The following CCSER1 variants were observed in gnomAD, a reference collection of about 807,000 sequenced individuals.
CCSER1 encodes serine-rich coiled-coil domain-containing protein 1.
A neutral mutation model predicts 82.0 loss-of-function variants in CCSER1; 41 were observed. The observed-to-expected ratio is 0.50, with a 90% CI of 0.39 to 0.65. The LOEUF is 0.65. CCSER1 is among the 30% of genes least tolerant of loss of function. The pLI is 0.00. For missense variants in CCSER1, 1,119 were observed against 1,064.2 expected, an observed-to-expected ratio of 1.05 and a Z score of -0.72; for synonymous variants, 414 against 383.9, an observed-to-expected ratio of 1.08 and a Z score of -0.92.
At chr4:91,371,431 T>C (rs1003616879) in intron 10 of CCSER1, among the ~76,000 whole-genome samples, 1 of 152,140 alleles carries the variant, frequency 6.6e-6, no homozygotes, top group African/African-American at 2.4e-5. Flanking sequence ...TTTTTTTCTA[T>C]TTTTCATGTA....
intron 1 of CCSER1, among the ~76,000 whole-genome samples, chr4:90,200,928 A>G (rs1737574641): frequency 6.6e-6 from 1 of 152,160 alleles, no homozygotes; most frequent in Non-Finnish European, 1.5e-5. Context: ...GACTTTCAGT[A>G]TGTGGGTGAA....
intron 10 of CCSER1, among the ~76,000 whole-genome samples, chr4:91,404,262 G>A (rs1752539680): frequency 6.6e-6 from 1 of 151,672 alleles, no homozygotes; most frequent in Non-Finnish European, 1.5e-5. Flanking sequence ...TTTTTTTATT[G>A]TATCTATTTG....
chr4:90,355,721 CATT>C (rs1744266853), intron 3 of CCSER1, among the ~76,000 whole-genome samples: 1 of 151,904 alleles, frequency 6.6e-6, no homozygotes, highest in Non-Finnish European at 1.5e-5. Flanking sequence ...TATTTTACAA[CATT>C]ATTGACAGAA....
intron 3 of CCSER1, among the ~76,000 whole-genome samples, chr4:90,343,939 A>G (rs539312435): frequency 2.0e-4 from 31 of 152,242 alleles, no homozygotes; most frequent in Middle Eastern, 3.4e-3. Flanking sequence ...TAAATTATTG[A>G]CTATAATAAC....
rs368894090 is a variant in CCSER1 at position 90,748,584 on chromosome 4, C to T, written c.2010+24593C>T. On this transcript the variant is annotated intron_variant, in intron 7 of 10. Coordinates refer to ENST00000509176, the MANE Select transcript of CCSER1 (RefSeq NM_001145065.2). ...GGATGGCTGAGTCAAATGGTATTTCCAGTTCTAGATCCCTGAGGAATCGCC... is the reference window on the plus strand; with the variant it reads ...GGATGGCTGAGTCAAATGGTATTTCTAGTTCTAGATCCCTGAGGAATCGCC... 2.8e-3 allele frequency among the ~76,000 whole-genome samples: 417 copies of T among 149,342 alleles called. 3 individuals are homozygous for T. The highest frequency in any genetic ancestry group is 0.01 in the Middle Eastern group (3 of 288).
intron 9 of CCSER1, among the ~76,000 whole-genome samples, chr4:90,927,125 T>C (rs1452050694): frequency 6.6e-6 from 1 of 152,064 alleles, no homozygotes; most frequent in Non-Finnish European, 1.5e-5. Flanking sequence ...TAATTTGACA[T>C]CTTTATGGAC....
At chr4:91,506,852 G>T (rs1759519385) in intron 10 of CCSER1, among the ~76,000 whole-genome samples, 1 of 152,108 alleles carries the variant, frequency 6.6e-6, no homozygotes, top group Non-Finnish European at 1.5e-5. Flanking sequence ...CTGTCTCAAT[G>T]AATTTGCCTA....
intron 8 of CCSER1, among the ~76,000 whole-genome samples, chr4:90,819,662 A>G (rs1209551782): frequency 6.6e-6 from 1 of 152,132 alleles, no homozygotes; most frequent in East Asian, 1.9e-4. Flanking sequence ...TCTAATGTGA[A>G]TGTATTTTTG....
At chr4:90,582,006 T>A (rs1781467628) in intron 5 of CCSER1, among the ~76,000 whole-genome samples, 1 of 152,008 alleles carries the variant, frequency 6.6e-6, no homozygotes, top group Non-Finnish European at 1.5e-5. Context: ...CTGAGTGATT[T>A]TTTTCTTATT....
intron 10 of CCSER1, among the ~76,000 whole-genome samples, chr4:91,126,824 G>A (rs1206486670): frequency 6.6e-6 from 1 of 151,836 alleles, no homozygotes; most frequent in Non-Finnish European, 1.5e-5. Context: ...GTACTTAACA[G>A]CAAGCACTCA....
chr4:90,607,667 CCTTAT>C (rs1435372286), intron 5 of CCSER1, among the ~76,000 whole-genome samples: 1 of 152,140 alleles, frequency 6.6e-6, no homozygotes, highest in African/African-American at 2.4e-5. Context: ...TCTGTGTTGA[CCTTAT>C]CTTAACTGAT....
rs1317282389 is a variant in CCSER1, at chr4:90,454,763, G to A, written c.1604-13471G>A. On this transcript the variant is annotated intron_variant, in intron 4 of 10. Coordinates refer to ENST00000509176, the MANE Select transcript of CCSER1 (RefSeq NM_001145065.2). ...TCAAAAGTAACATAATGTTCTTCCA[G>A]GAGAGTTAAAATACTTGGGTTAAAT... 3.3e-5 allele frequency among the ~76,000 whole-genome samples: 5 copies of A among 152,118 alleles called. No individual in the cohort carries two copies. In the South Asian group the frequency reaches 6.2e-4, roughly 19 times the overall value.
At chr4:90,429,145 GT>G (rs1473382185) in intron 4 of CCSER1, among the ~76,000 whole-genome samples, 1 of 151,614 alleles carries the variant, frequency 6.6e-6, no homozygotes, top group East Asian at 1.9e-4. Flanking sequence ...ATTCAAAGTA[GT>G]TTTAAAAAAA....
At chr4:90,167,176 T>G (rs952885724) in intron 1 of CCSER1, among the ~76,000 whole-genome samples, 1 of 152,094 alleles carries the variant, frequency 6.6e-6, no homozygotes, top group Non-Finnish European at 1.5e-5. Context: ...GTTACAAAGG[T>G]GTTAAATATT....
intron 10 of CCSER1, among the ~76,000 whole-genome samples, chr4:91,188,252 T>C (rs1581738791): frequency 6.6e-6 from 1 of 152,212 alleles, no homozygotes; most frequent in Admixed American, 6.5e-5. Context: ...GACTTACCAA[T>C]GTCTATTCTC....
chr4:91,593,544 C>T (rs1764375291), intron 10 of CCSER1, among the ~76,000 whole-genome samples: 1 of 132,302 alleles, frequency 7.6e-6, no homozygotes, highest in Admixed American at 8.8e-5. Flanking sequence ...GATCTCTTGA[C>T]CTCGTGATCC....
In CCSER1 at chr4:91,403,605, G is replaced by A. The variant is rs529452149; in HGVS notation, c.2218-194967G>A. ...ATTTATTGAGAATTTTTAGCATGAA[G>A]GGCCGCTAAATATTGTTGAATGCCT... On this transcript the variant is annotated intron_variant, in intron 10 of 10. Transcript: ENST00000509176. Among the ~76,000 whole-genome samples the A allele has an allele frequency of 5.9e-5, 9 of 152,234 alleles. No individual in the cohort carries two copies. The South Asian group carries it at 1.7e-3, about 28-fold the overall frequency.
chr4:90,807,232 T>C (rs1757638861), intron 7 of CCSER1, among the ~76,000 whole-genome samples: 1 of 152,158 alleles, frequency 6.6e-6, no homozygotes, highest in Non-Finnish European at 1.5e-5. Flanking sequence ...CCTACTATGC[T>C]AATATTAATA....
intron 10 of CCSER1, among the ~76,000 whole-genome samples, chr4:91,222,743 G>A (rs1477771776): frequency 6.6e-6 from 1 of 152,092 alleles, no homozygotes; most frequent in Non-Finnish European, 1.5e-5. Context: ...TATTCATTCT[G>A]TGCTGTCCAG....
Sources: allele counts gnomAD v4.1 joint callset (sites outside exome capture counted in the v4.1 genomes callset), GRCh38; gene constraint gnomAD v4.1.1; transcripts MANE v1.5; gene names NCBI Gene and HGNC (gene_info 2026-07-23, HGNC 2026-07-21).